Variants in PLEKHA7 observed in about 807,000 individuals in gnomAD.
PLEKHA7 encodes the protein pleckstrin homology domain-containing family A member 7.
In PLEKHA7, 104 loss-of-function variants were observed where a neutral mutation model predicts 170.0. The ratio of observed to expected loss-of-function variants is 0.61; its 90% confidence interval spans 0.52 to 0.72. PLEKHA7 has a LOEUF of 0.72. Ranked by LOEUF, PLEKHA7 falls within the 30% of genes least tolerant of loss-of-function variation. The pLI, the probability that PLEKHA7 is intolerant of heterozygous loss-of-function variation, is 0.00. For missense variants in PLEKHA7, 1,615 were observed against 1,671.7 expected (o/e 0.97, Z 0.59); for synonymous variants, 648 against 660.8 (o/e 0.98, Z 0.30).
chr11:16,794,551 G>A lies in PLEKHA7; in HGVS notation c.2682C>T (p.His894=). ...ATGTCACTTTCCTCAGCTGGGGTGG[G>A]TGAGGTCGGTACGGCACGTAGGTTT... ...QLQTYVPYRP[H]PPQLRKVTSP... The change falls in exon 19 of 27, where the codon CAC becomes CAT. Residue 894 remains histidine (H), a synonymous_variant. Coordinates refer to ENST00000531066, the MANE Select transcript of PLEKHA7 (RefSeq NM_001329630.2). The A allele has an allele frequency of 3.1e-6, 5 of 1,613,978 alleles. No homozygotes were observed. The highest frequency in any genetic ancestry group is 3.4e-6 in the Non-Finnish European group (4 of 1,179,976).
intron 3 of PLEKHA7, among the ~76,000 whole-genome samples, chr11:17,003,847 C>G (rs1864820733): frequency 6.6e-6 from 1 of 152,186 alleles, no homozygotes; most frequent in Non-Finnish European, 1.5e-5. Context: ...CTGGATGAGA[C>G]AGAGAAGTGA....
At chr11:16,884,490 C>G (rs1016806211) in intron 3 of PLEKHA7, among the ~76,000 whole-genome samples, 2 of 152,088 alleles carry the variant, frequency 1.3e-5, no homozygotes, top group Non-Finnish European at 2.9e-5. Flanking sequence ...AAAAAATTAG[C>G]CAGGTGTGGT....
chr11:16,788,946 TG>T, intron 23 of PLEKHA7, 149 bp downstream of exon 23: 1 of 998,228 alleles, frequency 1.0e-6, no homozygotes, highest in Non-Finnish European at 1.5e-6. Flanking sequence ...GCCTGGGTCG[TG>T]GACAAACAGC....
At chr11:16,820,482 C>T (rs1024535596) in intron 10 of PLEKHA7, among the ~76,000 whole-genome samples, 4 of 149,152 alleles carry the variant, frequency 2.7e-5, no homozygotes, top group Non-Finnish European at 5.9e-5. Context: ...GGTTTGCTAT[C>T]GATCTCCCAA....
Position 16,816,190 on chromosome 11 carries a change from T to C in PLEKHA7, c.1941A>G (p.Leu647=), listed in dbSNP as rs905949006. The C allele has an allele frequency of 6.2e-7, 1 of 1,612,940 alleles. No individual in the cohort carries two copies. The change falls in exon 12 of 27, where the codon TTA becomes TTG. Residue 647 remains leucine, a synonymous_variant. Transcript: ENST00000531066. ...YMTHTVSAPS[L]HGKSADDTYL... ...TCATTCACCCTACCGATTTTCCATG[T>C]AAACTGGGAGCGCTGACGGTGTGGG...
chr11:16,905,977 T>C (rs935927926), intron 3 of PLEKHA7, among the ~76,000 whole-genome samples: 1 of 149,462 alleles, frequency 6.7e-6, no homozygotes, highest in African/African-American at 2.4e-5. Context: ...TCTAGGGCCC[T>C]GGAGTGAGGG....
At position 16,851,253 on chromosome 11, in the gene PLEKHA7, G is replaced by A. The variant is rs1333501593; in HGVS notation, c.634C>T (p.Pro212Ser). The A allele has an allele frequency of 5.0e-6, 8 of 1,611,872 alleles. No homozygotes were observed. Among genetic ancestry groups the A allele is most frequent in the African/African-American group, 2.7e-5 (2 of 74,886 alleles). Reference protein sequence around the residue: ...EEAVLGSIPLPSYVISPVAPE... With the variant: ...EEAVLGSIPLSSYVISPVAPE... The stretch of plus-strand genomic sequence containing the variant: ...GCCACAGGAGAGATCACGTAGCTGG[G>A]CAAGGGGATGCTCCCGAGGACCGCT... The change falls in exon 8 of 27, where the codon CCC becomes TCC. Residue 212 changes from proline to serine, a missense_variant. Pro to Ser is a moderately conservative substitution (Grantham distance 74). Coordinates refer to ENST00000531066, the MANE Select transcript of PLEKHA7 (RefSeq NM_001329630.2).
chr11:16,852,223 A>T, intron 7 of PLEKHA7, 60 bp downstream of exon 7: 1 of 1,479,926 alleles, frequency 6.8e-7, no homozygotes, highest in Non-Finnish European at 9.4e-7. Context: ...GAAGTCACCA[A>T]CCATCCACAT....
At chr11:16,901,641 G>A (rs143564484) in intron 3 of PLEKHA7, among the ~76,000 whole-genome samples, 24 of 152,300 alleles carry the variant, frequency 1.6e-4, no homozygotes, top group African/African-American at 4.1e-4. Flanking sequence ...GGCCAAGGCC[G>A]GAAGATAGCT....
chr11:16,826,028 T>C (rs2134945702), intron 10 of PLEKHA7, 92 bp downstream of exon 10: 1 of 1,305,612 alleles, frequency 7.7e-7, no homozygotes, highest in East Asian at 2.3e-5. Flanking sequence ...AGTTTAAGGC[T>C]GCCCTTACGC....
At chr11:16,787,409 TGACTCCAAATC>T in intron 23 of PLEKHA7, 1 of 159,962 alleles carries the variant, frequency 6.3e-6, no homozygotes, top group Non-Finnish European at 1.3e-5. Context: ...AAGCTCTCAA[TGACTCCAAATC>T]AATGTAATCA....
Position 16,817,566 on chromosome 11 carries a change from G to A in PLEKHA7, c.1344-244C>T, listed in dbSNP as rs1849871347. Among the ~76,000 whole-genome samples, 1 of 152,298 alleles carries A rather than the reference G, an allele frequency of 6.6e-6. No homozygotes were observed. Among genetic ancestry groups the A allele is most frequent in the South Asian group, 2.1e-4 (1 of 4,828 alleles). Reference sequence around the variant, plus strand: ...CTTGGCTACCCCATGCCCATCACTTGGAGTGCAATGTGATTAAACCTGGCT... The same window carrying A: ...CTTGGCTACCCCATGCCCATCACTTAGAGTGCAATGTGATTAAACCTGGCT... On this transcript the variant is annotated intron_variant, in intron 10 of 26. Coordinates refer to ENST00000531066, the MANE Select transcript of PLEKHA7 (RefSeq NM_001329630.2). This position sits in a 1 kb window ranked among gnomAD's most constrained non-coding sequence, Gnocchi z 4.4.
At position 16,803,236 on chromosome 11, in the gene PLEKHA7, G is replaced by T. The variant is rs61133161; in HGVS notation, c.2067C>A (p.Ser689Arg). Residue 689 changes from serine (S) to arginine (R), a missense_variant, in exon 14 of 27, where the codon AGC becomes AGA. Coordinates refer to ENST00000531066, the MANE Select transcript of PLEKHA7 (RefSeq NM_001329630.2). ...CACTCTGCTCACTCACGTCAGTGTC[G>T]CTCTCAGCGATCTTCACAGGCTTCA... is the stretch of plus-strand genomic sequence containing the variant. ...RSLKPVKIAE[S>R]DTDVKLSIFC... 15 of 1,613,704 alleles carry T rather than the reference G, an allele frequency of 9.3e-6. No individual in the cohort carries two copies. The African/African-American group carries it at 2.0e-4, about 22-fold the overall frequency.
At chr11:16,997,981 G>A (rs1369192474) in intron 3 of PLEKHA7, among the ~76,000 whole-genome samples, 1 of 152,156 alleles carries the variant, frequency 6.6e-6, no homozygotes, top group Non-Finnish European at 1.5e-5. Context: ...GATAGGGAAC[G>A]CTGGGTGACC....
intron 9 of PLEKHA7, among the ~76,000 whole-genome samples, chr11:16,828,046 T>C (rs142282525): frequency 0.012 from 1,903 of 152,312 alleles, 19 homozygotes; most frequent in Non-Finnish European, 0.018. Flanking sequence ...GAGAGCTAGT[T>C]ACAATGCCAA....
chr11:16,779,267 CA>C (rs1848845883), intron 26 of PLEKHA7, among the ~76,000 whole-genome samples: 1 of 152,202 alleles, frequency 6.6e-6, no homozygotes, highest in South Asian at 2.1e-4. Context: ...CCCGACAGGG[CA>C]AAGACTCTAA....
chr11:16,962,472 T>G (rs1036750630), intron 3 of PLEKHA7, among the ~76,000 whole-genome samples: 3 of 152,192 alleles, frequency 2.0e-5, no homozygotes, highest in Non-Finnish European at 4.4e-5. Flanking sequence ...CACAAGCACC[T>G]TATTTTTGGA....
At chr11:17,005,731 A>C (rs1451970464) in intron 3 of PLEKHA7, among the ~76,000 whole-genome samples, 1 of 152,204 alleles carries the variant, frequency 6.6e-6, no homozygotes, top group African/African-American at 2.4e-5. Context: ...TCCTTAAAGA[A>C]GTTTCTTTTT....
Position 16,794,502 on chromosome 11 carries a change from C to T in PLEKHA7, c.2731G>A (p.Ala911Thr), listed in dbSNP as rs765306042. The change falls in exon 19 of 27, where the codon GCG (alanine) becomes ACG (threonine). Residue 911 changes from alanine (A) to threonine (T), a missense_variant. By Grantham distance (58) the Ala-to-Thr change is moderately conservative. Transcript: ENST00000531066. The part of the protein sequence containing the change: ...VTSPLQSPTK[A>T]KPKVEDEAPP... ...TCACTACTTACAACTTTGGGCTTCG[C>T]CTTAGTTGGTGACTGAAGGGGGGAT... The T allele has an allele frequency of 1.9e-6, 3 of 1,613,710 alleles. No homozygotes were observed. The highest frequency in any genetic ancestry group is 4.5e-5 in the East Asian group (2 of 44,844).
Sources: gnomAD v4.1 joint callset for allele counts (sites outside exome capture counted in the v4.1 genomes callset) on GRCh38, gnomAD v4.1.1 for gene constraint, Gnocchi (gnomAD v3.1) non-coding constraint, MANE v1.5 for transcripts, NCBI Gene and HGNC (gene_info 2026-07-23, HGNC 2026-07-21) for gene names.